EBF2: variants seen among roughly 807,000 people sequenced by gnomAD.
EBF2 encodes the protein transcription factor COE2.
A neutral mutation model predicts 72.8 loss-of-function variants in EBF2; 21 were observed. The ratio of observed to expected loss-of-function variants is 0.29; its 90% CI spans 0.20 to 0.42. The LOEUF is 0.42. Among genes scored for constraint, EBF2 ranks in the 10% least tolerant of loss-of-function variants. The pLI, the probability that EBF2 is intolerant of heterozygous loss-of-function variation, is 1.00. For missense variants in EBF2, 637 were observed against 731.2 expected (o/e 0.87, Z 1.49); for synonymous variants, 299 against 274.2 (o/e 1.09, Z -0.89).
intron 10 of EBF2, among the ~76,000 whole-genome samples, chr8:25,868,003 A>G (rs1802366107): frequency 6.6e-6 from 1 of 152,222 alleles, no homozygotes; most frequent in South Asian, 2.1e-4. Context: ...GCCCACTGAA[A>G]TGTACACAAA....
At chr8:25,959,716 C>A (rs1804007122) in intron 6 of EBF2, among the ~76,000 whole-genome samples, 1 of 152,148 alleles carries the variant, frequency 6.6e-6, no homozygotes, top group Non-Finnish European at 1.5e-5. Flanking sequence ...GTGTCTACCC[C>A]CAAGTTCTGT....
chr8:25,939,651 C>T (rs959622206), intron 6 of EBF2, among the ~76,000 whole-genome samples: 1 of 152,214 alleles, frequency 6.6e-6, no homozygotes, highest in Non-Finnish European at 1.5e-5. Context: ...CCTCAAACCC[C>T]TACAGCTCCA....
intron 7 of EBF2, among the ~76,000 whole-genome samples, chr8:25,891,259 T>C (rs1802774431): frequency 6.6e-6 from 1 of 152,114 alleles, no homozygotes; most frequent in Non-Finnish European, 1.5e-5. Flanking sequence ...TGGCCAAGCA[T>C]AGCAGAAGGG....
chr8:25,892,311 A>G (rs1266963678), intron 7 of EBF2, among the ~76,000 whole-genome samples: 1 of 152,218 alleles, frequency 6.6e-6, no homozygotes, highest in Non-Finnish European at 1.5e-5. Flanking sequence ...GAAACCACAG[A>G]AAGTGAAGCC....
At chr8:25,919,208 A>G (rs922770512) in intron 6 of EBF2, among the ~76,000 whole-genome samples, 5 of 152,228 alleles carry the variant, frequency 3.3e-5, no homozygotes, top group African/African-American at 9.6e-5. Flanking sequence ...ACTCCCAAAA[A>G]TAAACCAGGA....
intron 6 of EBF2, among the ~76,000 whole-genome samples, chr8:25,985,323 T>C (rs1358627278): frequency 6.6e-6 from 1 of 152,186 alleles, no homozygotes; most frequent in Non-Finnish European, 1.5e-5. Context: ...GATTTCCTTG[T>C]ACATGATATC....
intron 6 of EBF2, among the ~76,000 whole-genome samples, chr8:26,014,316 C>T (rs559780864): frequency 2.4e-4 from 36 of 152,068 alleles, no homozygotes; most frequent in Non-Finnish European, 5.0e-4. Flanking sequence ...TAAAGAGATA[C>T]GCCAATGGAT....
At chr8:25,854,354 T>C (rs1167182817) in intron 14 of EBF2, among the ~76,000 whole-genome samples, 1 of 152,180 alleles carries the variant, frequency 6.6e-6, no homozygotes, top group Non-Finnish European at 1.5e-5. Flanking sequence ...TCCCCATTCT[T>C]ATGACCTGGG....
intron 6 of EBF2, among the ~76,000 whole-genome samples, chr8:25,943,311 C>CAAAA (rs71551840): frequency 5.1e-3 from 292 of 57,478 alleles, no homozygotes; most frequent in Non-Finnish European, 6.4e-3. Context: ...TGTCTCTACA[C>CAAAA]AAAAAAAAAA....
intron 6 of EBF2, among the ~76,000 whole-genome samples, chr8:25,934,000 C>A (rs1803530851): frequency 6.6e-6 from 1 of 152,086 alleles, no homozygotes; most frequent in South Asian, 2.1e-4. Flanking sequence ...AAGATAAAAT[C>A]TCTCTAGAGG....
chr8:25,920,280 T>G (rs1374035974), intron 6 of EBF2, among the ~76,000 whole-genome samples: 1 of 152,220 alleles, frequency 6.6e-6, no homozygotes, highest in Non-Finnish European at 1.5e-5. Flanking sequence ...CTGGTTTCTC[T>G]GTAGTCAGGA....
intron 8 of EBF2, among the ~76,000 whole-genome samples, chr8:25,888,605 C>T (rs75332095): frequency 0.029 from 4,468 of 152,252 alleles, 102 homozygotes; most frequent in South Asian, 0.066. Flanking sequence ...CAAAATCTAT[C>T]ATAGTTGAAG....
At chr8:25,968,430 T>C (rs1804144921) in intron 6 of EBF2, among the ~76,000 whole-genome samples, 1 of 152,160 alleles carries the variant, frequency 6.6e-6, no homozygotes, top group East Asian at 1.9e-4. Flanking sequence ...AATAAACCAG[T>C]TATGAACGAA....
At chr8:25,942,391 A>G (rs1424473219) in intron 6 of EBF2, among the ~76,000 whole-genome samples, 1 of 152,232 alleles carries the variant, frequency 6.6e-6, no homozygotes, top group Admixed American at 6.5e-5. Context: ...CAGGCTGCAG[A>G]GTCCTGGAAC....
chr8:26,037,293 C>T (rs1423379312), intron 5 of EBF2, among the ~76,000 whole-genome samples: 3 of 152,154 alleles, frequency 2.0e-5, no homozygotes, highest in Non-Finnish European at 4.4e-5. Flanking sequence ...AAGCCCCAGC[C>T]TTGGACAGAG....
At chr8:26,019,040 G>A (rs1051943814) in intron 6 of EBF2, among the ~76,000 whole-genome samples, 6 of 151,640 alleles carry the variant, frequency 4.0e-5, no homozygotes, top group African/African-American at 1.5e-4. Flanking sequence ...AGGTATGCAT[G>A]ATTTTCACTT....
At chr8:25,991,570 G>T (rs1342804933) in intron 6 of EBF2, among the ~76,000 whole-genome samples, 1 of 152,174 alleles carries the variant, frequency 6.6e-6, no homozygotes, top group Non-Finnish European at 1.5e-5. Flanking sequence ...GGACTGCCGG[G>T]TGCAGTGGCT....
chr8:26,030,421 G>A (rs975517823), intron 6 of EBF2, among the ~76,000 whole-genome samples: 4 of 150,350 alleles, frequency 2.7e-5, no homozygotes, highest in African/African-American at 9.8e-5. Context: ...ACCGGGGACT[G>A]TTGTGGGGTG....
At chr8:25,849,098 G>GA (rs1365801162) in intron 15 of EBF2, among the ~76,000 whole-genome samples, 2 of 152,174 alleles carry the variant, frequency 1.3e-5, no homozygotes, top group Admixed American at 1.3e-4. Flanking sequence ...ACATCTGGGT[G>GA]AAAATCCCTG....
Sources: allele counts gnomAD v4.1 joint callset (sites outside exome capture counted in the v4.1 genomes callset), GRCh38; gene constraint gnomAD v4.1.1; transcripts MANE v1.5; gene names NCBI Gene and HGNC (gene_info 2026-07-23, HGNC 2026-07-21).